CACNA1E: variants seen among roughly 807,000 people sequenced by gnomAD.
CACNA1E encodes the protein calcium voltage-gated channel subunit alpha1 E.
In CACNA1E, 40 loss-of-function variants were observed where a neutral mutation model predicts 259.2. That is an observed-to-expected ratio of 0.15 (90% CI 0.12 to 0.20). The LOEUF is 0.20. Among genes scored for constraint, CACNA1E ranks in the 10% least tolerant of loss-of-function variants. The probability of loss-of-function intolerance (pLI) is 1.00; values close to 1 mark genes in which losing one functional copy is unlikely to be tolerated. For missense variants in CACNA1E, 1,874 were observed against 3,040.1 expected, an observed-to-expected ratio of 0.62 and a Z score of 9.02; for synonymous variants, 1,104 against 1,138.5, an observed-to-expected ratio of 0.97 and a Z score of 0.61.
At chr1:181,466,103 T>C (rs77736336) in intron 2 of CACNA1E, among the ~76,000 whole-genome samples, 2,844 of 152,320 alleles carry the variant, frequency 0.019, 60 homozygotes, top group Admixed American at 0.066. Flanking sequence ...TTGTTATCTA[T>C]TTTTGCTGTA....
chr1:181,596,679 G>A (rs6689288), intron 6 of CACNA1E, among the ~76,000 whole-genome samples: 151,035 of 152,122 alleles, frequency 0.99, 74,982 homozygotes, highest in Middle Eastern at 1. Context: ...CAGATCACTC[G>A]TGAATTCTCT....
At chr1:181,489,728 G>A (rs1664151946) in intron 1 of CACNA1E, among the ~76,000 whole-genome samples, 1 of 152,154 alleles carries the variant, frequency 6.6e-6, no homozygotes, top group African/African-American at 2.4e-5. Context: ...ACAGTCCTCT[G>A]TAACCATTTC....
chr1:181,769,582 G>GACTT (rs1659322308), intron 35 of CACNA1E, among the ~76,000 whole-genome samples: 1 of 149,360 alleles, frequency 6.7e-6, no homozygotes, highest in South Asian at 2.2e-4. Context: ...GGCTTGACTT[G>GACTT]ACTTAAATTA....
At chr1:181,345,476 G>T (rs1208155931) in intron 1 of CACNA1E, among the ~76,000 whole-genome samples, 1 of 152,218 alleles carries the variant, frequency 6.6e-6, no homozygotes, top group Non-Finnish European at 1.5e-5. Flanking sequence ...GGCATGAGTG[G>T]CTACCGAGAA....
At chr1:181,560,451 C>T (rs1479530382) in intron 3 of CACNA1E, among the ~76,000 whole-genome samples, 1 of 151,690 alleles carries the variant, frequency 6.6e-6, no homozygotes. Flanking sequence ...AAATATTTTC[C>T]CTTTAAAGTT....
At chr1:181,471,947 C>T (rs1332568563) in intron 2 of CACNA1E, among the ~76,000 whole-genome samples, 2 of 152,132 alleles carry the variant, frequency 1.3e-5, no homozygotes, top group Non-Finnish European at 2.9e-5. Flanking sequence ...AAGGTATCTG[C>T]ACCCTCATGT....
chr1:181,360,792 C>A (rs1653806201), intron 1 of CACNA1E, among the ~76,000 whole-genome samples: 1 of 152,160 alleles, frequency 6.6e-6, no homozygotes, highest in Non-Finnish European at 1.5e-5. Context: ...ATCTTCTGGA[C>A]ACCCTTTACA....
At chr1:181,772,956 C>A (rs768383200) in intron 37 of CACNA1E, among the ~76,000 whole-genome samples, 1 of 152,118 alleles carries the variant, frequency 6.6e-6, no homozygotes, top group Admixed American at 6.5e-5. Flanking sequence ...TTCTACCCTG[C>A]ATATCAGACA....
intron 1 of CACNA1E, among the ~76,000 whole-genome samples, chr1:181,373,871 G>A (rs1451827766): frequency 6.6e-6 from 1 of 152,142 alleles, no homozygotes; most frequent in Non-Finnish European, 1.5e-5. Flanking sequence ...AAATGCTCTT[G>A]TCTGGGACCC....
chr1:181,357,317 T>A (rs771097045), intron 1 of CACNA1E, among the ~76,000 whole-genome samples: 2 of 152,198 alleles, frequency 1.3e-5, no homozygotes, highest in Non-Finnish European at 2.9e-5. Context: ...ATTGCCATGT[T>A]TAGAAGTCCT....
chr1:181,772,433 A>C (rs1019868026), intron 37 of CACNA1E, among the ~76,000 whole-genome samples: 7 of 152,110 alleles, frequency 4.6e-5, no homozygotes, highest in Non-Finnish European at 1.5e-5. Flanking sequence ...GAACTCTTGG[A>C]GATTAGAGTG....
chr1:181,792,385 G>A (rs1054202399), intron 44 of CACNA1E, among the ~76,000 whole-genome samples: 6 of 152,152 alleles, frequency 3.9e-5, no homozygotes, highest in African/African-American at 1.2e-4. Context: ...CATCCCTCGG[G>A]GCTGCTGCTC....
intron 7 of CACNA1E, among the ~76,000 whole-genome samples, chr1:181,702,700 A>G (rs1652391093): frequency 6.6e-6 from 1 of 151,706 alleles, no homozygotes; most frequent in Non-Finnish European, 1.5e-5. Flanking sequence ...CCTGGTCATC[A>G]CCTCTGCCTG....
At chr1:181,513,185 A>T (rs988800685) in intron 3 of CACNA1E, among the ~76,000 whole-genome samples, 5 of 152,244 alleles carry the variant, frequency 3.3e-5, no homozygotes, top group African/African-American at 1.2e-4. Context: ...TCATTAAAGA[A>T]ATATGGAAAA....
chr1:181,741,836 A>C (rs879221904), intron 25 of CACNA1E, among the ~76,000 whole-genome samples: 1 of 152,170 alleles, frequency 6.6e-6, no homozygotes, highest in South Asian at 2.1e-4. Context: ...TGGTCCTCAG[A>C]CCAGGTACAG....
intron 34 of CACNA1E, among the ~76,000 whole-genome samples, chr1:181,764,433 T>C (rs1658854828): frequency 1.3e-5 from 2 of 152,358 alleles, no homozygotes; most frequent in South Asian, 4.1e-4. Context: ...ATTTATAGTT[T>C]AATTAAAAAT....
chr1:181,635,446 C>A (rs1217575877), intron 6 of CACNA1E, among the ~76,000 whole-genome samples: 1 of 152,212 alleles, frequency 6.6e-6, no homozygotes, highest in Non-Finnish European at 1.5e-5. Context: ...CCTCCCCACT[C>A]AACCTCAAGC....
chr1:181,714,970 G>C (rs1350827595), intron 8 of CACNA1E, among the ~76,000 whole-genome samples: 1 of 152,238 alleles, frequency 6.6e-6, no homozygotes, highest in East Asian at 1.9e-4. Flanking sequence ...GTTGCTGCTA[G>C]AAGTTCAAGG....
chr1:181,537,301 G>T (rs2102762419), intron 3 of CACNA1E, among the ~76,000 whole-genome samples: 1 of 151,854 alleles, frequency 6.6e-6, no homozygotes, highest in South Asian at 2.1e-4. Flanking sequence ...GTTTCACCTT[G>T]TTGGCCAGGC....
Sources: allele counts gnomAD v4.1 joint callset (sites outside exome capture counted in the v4.1 genomes callset), GRCh38; gene constraint gnomAD v4.1.1; transcripts MANE v1.5; gene names NCBI Gene and HGNC (gene_info 2026-07-23, HGNC 2026-07-21).